Variants in RBFOX1 observed in about 807,000 individuals in gnomAD.
RBFOX1 encodes RNA binding fox-1 homolog 1.
In RBFOX1, 8 loss-of-function variants were observed where a neutral mutation model predicts 57.7. That is an observed-to-expected ratio of 0.14 (90% CI 0.08 to 0.25). RBFOX1 has a LOEUF of 0.25. RBFOX1 is among the 10% of genes least tolerant of loss of function. The pLI is 1.00. For missense variants in RBFOX1, 611 were observed against 548.5 expected (o/e 1.11, Z -1.14); for synonymous variants, 326 against 222.4 (o/e 1.47, Z -4.15).
chr16:6,058,971 T>G (rs1232598974), intron 1 of RBFOX1, among the ~76,000 whole-genome samples: 6 of 152,322 alleles, frequency 3.9e-5, no homozygotes, highest in Admixed American at 2.0e-4. Context: ...AACAACTAAC[T>G]CAGACTCTGT....
chr16:7,449,268 T>G (rs1375032353), intron 4 of RBFOX1, among the ~76,000 whole-genome samples: 1 of 152,112 alleles, frequency 6.6e-6, no homozygotes, highest in Non-Finnish European at 1.5e-5. Context: ...AAGTTCTAGG[T>G]GGACATTTTT....
At chr16:6,870,735 C>T (rs1179900439) in intron 3 of RBFOX1, among the ~76,000 whole-genome samples, 1 of 152,096 alleles carries the variant, frequency 6.6e-6, no homozygotes, top group East Asian at 1.9e-4. Flanking sequence ...ATTTCACCAC[C>T]AAAACTCCTC....
At chr16:5,938,005 A>C (rs538796803) in intron 4 of RBFOX1, among the ~76,000 whole-genome samples, 21 of 152,242 alleles carry the variant, frequency 1.4e-4, no homozygotes, top group African/African-American at 4.8e-4. Flanking sequence ...ATCACATTTA[A>C]TTTTTGGGTA....
At chr16:7,111,395 T>G (rs2064742488) in intron 4 of RBFOX1, among the ~76,000 whole-genome samples, 1 of 152,186 alleles carries the variant, frequency 6.6e-6, no homozygotes, top group South Asian at 2.1e-4. Context: ...AATAAATCAT[T>G]TTTATTATAC....
At chr16:6,758,471 A>G (rs2076140976) in intron 3 of RBFOX1, among the ~76,000 whole-genome samples, 1 of 152,158 alleles carries the variant, frequency 6.6e-6, no homozygotes, top group African/African-American at 2.4e-5. Flanking sequence ...AATGTTAGAC[A>G]GAGCCTTGGC....
At chr16:6,858,822 T>A (rs902045130) in intron 3 of RBFOX1, among the ~76,000 whole-genome samples, 5 of 152,070 alleles carry the variant, frequency 3.3e-5, no homozygotes, top group African/African-American at 1.2e-4. Flanking sequence ...CTCTGCTGGT[T>A]AGAAGTATAA....
Position 5,322,642 on chromosome 16 carries a change from C to G in RBFOX1, c.219+82537C>G, listed in dbSNP as rs572695709. ...AGGGGACACTGGAGCCCCCAGTCTT[C>G]CCCATCCTTCAAGGGTCAGCTCAAA... is the stretch of plus-strand genomic sequence containing the variant. On this transcript the variant is annotated intron_variant, in intron 1 of 2. Coordinates refer to the RBFOX1 transcript ENST00000585867. Among the ~76,000 whole-genome samples the G allele has an allele frequency of 2.0e-5, 3 of 152,268 alleles. No individual in the cohort carries two copies. In the East Asian group the frequency reaches 5.8e-4, roughly 29 times the overall value.
intron 3 of RBFOX1, among the ~76,000 whole-genome samples, chr16:5,665,973 A>G (rs2049831732): frequency 1.3e-5 from 2 of 152,222 alleles, no homozygotes; most frequent in South Asian, 2.1e-4. Flanking sequence ...TCAAAGGGTG[A>G]ATGGGATAAT....
intron 1 of RBFOX1, among the ~76,000 whole-genome samples, chr16:5,324,513 C>T (rs1431864067): frequency 6.6e-6 from 1 of 152,100 alleles, no homozygotes; most frequent in Non-Finnish European, 1.5e-5. Flanking sequence ...CTTATTAGAA[C>T]CTACATTATC....
intron 1 of RBFOX1, among the ~76,000 whole-genome samples, chr16:6,060,537 C>T (rs2095671925): frequency 6.6e-6 from 1 of 152,102 alleles, no homozygotes; most frequent in Non-Finnish European, 1.5e-5. Context: ...TCAGGTTCGA[C>T]CTCTACGTCA....
chr16:5,854,855 G>T (rs1036916164), intron 3 of RBFOX1, among the ~76,000 whole-genome samples: 1 of 152,090 alleles, frequency 6.6e-6, no homozygotes, highest in Non-Finnish European at 1.5e-5. Context: ...AATGTAGAAA[G>T]GTACCCTTTT....
At chr16:6,998,057 A>T (rs2092420292) in intron 3 of RBFOX1, among the ~76,000 whole-genome samples, 1 of 152,088 alleles carries the variant, frequency 6.6e-6, no homozygotes, top group Non-Finnish European at 1.5e-5. Flanking sequence ...GGAAATGCTG[A>T]GATTTAGAAA....
chr16:6,619,979 G>A (rs149289547), intron 2 of RBFOX1, among the ~76,000 whole-genome samples: 240 of 152,160 alleles, frequency 1.6e-3, no homozygotes, highest in African/African-American at 4.9e-3. Flanking sequence ...CTGTTCCTGC[G>A]TTAGTTTGCT....
intron 4 of RBFOX1, among the ~76,000 whole-genome samples, chr16:7,365,872 C>T (rs1478294122): frequency 6.6e-6 from 1 of 152,172 alleles, no homozygotes; most frequent in African/African-American, 2.4e-5. Context: ...AATATTAATA[C>T]CCTAAGACTC....
Position 7,001,566 on chromosome 16 carries a change from C to A in RBFOX1, c.-15-50491C>A, listed in dbSNP as rs187275156. On this transcript the variant is annotated intron_variant, in intron 3 of 15. Coordinates refer to ENST00000550418, the MANE Select transcript of RBFOX1 (RefSeq NM_018723.4). Reference sequence around the variant, plus strand: ...CCGCCTCCCGGGTTCAAGTGATGCTCCTACATCAGCCTCCCGAGTAGCTGG... The same window carrying A: ...CCGCCTCCCGGGTTCAAGTGATGCTACTACATCAGCCTCCCGAGTAGCTGG... Among the ~76,000 whole-genome samples the A allele has an allele frequency of 1.0e-3, 155 of 152,208 alleles. 1 individual carries two copies. Among genetic ancestry groups the A allele is most frequent in the African/African-American group, 3.4e-3 (143 of 41,532 alleles).
chr16:6,478,224 C>CTT (rs540210936), intron 2 of RBFOX1, among the ~76,000 whole-genome samples: 28 of 132,312 alleles, frequency 2.1e-4, no homozygotes, highest in Admixed American at 7.8e-4. Flanking sequence ...CCTGTCCCAG[C>CTT]TTTTTTTTTT....
At chr16:5,619,095 C>T (rs1450986477) in intron 3 of RBFOX1, among the ~76,000 whole-genome samples, 1 of 152,200 alleles carries the variant, frequency 6.6e-6, no homozygotes, top group African/African-American at 2.4e-5. Flanking sequence ...GCCTGATTTG[C>T]AGTGCTGGAG....
intron 3 of RBFOX1, among the ~76,000 whole-genome samples, chr16:6,688,788 G>A (rs1208263029): frequency 2.0e-5 from 3 of 151,964 alleles, no homozygotes; most frequent in Non-Finnish European, 4.4e-5. Context: ...TCCTTCCCTA[G>A]CCCACCACCT....
intron 4 of RBFOX1, among the ~76,000 whole-genome samples, chr16:7,491,220 A>G (rs866734545): frequency 6.6e-6 from 1 of 152,006 alleles, no homozygotes; most frequent in Non-Finnish European, 1.5e-5. Flanking sequence ...GCATTGCCAC[A>G]TCCCTTTTTC....
Sources: allele counts gnomAD v4.1 joint callset (sites outside exome capture counted in the v4.1 genomes callset), GRCh38; gene constraint gnomAD v4.1.1; transcripts MANE v1.5; gene names NCBI Gene and HGNC (gene_info 2026-07-23, HGNC 2026-07-21).